Variants in NCAPG observed in about 807,000 individuals in gnomAD.
The protein encoded by NCAPG is condensin complex subunit 3.
Under a neutral mutation model 113.1 loss-of-function variants are expected in NCAPG, and 69 were observed. The ratio of observed to expected loss-of-function variants is 0.61; its 90% CI spans 0.50 to 0.75. The LOEUF (loss-of-function observed/expected upper bound fraction) is 0.75. Ranked by LOEUF, NCAPG falls within the 30% of genes least tolerant of loss-of-function variation. The pLI, the probability that NCAPG is intolerant of heterozygous loss-of-function variation, is 0.00. For missense variants in NCAPG, 1,058 were observed against 1,177.0 expected (o/e 0.90, Z 1.48); for synonymous variants, 370 against 415.8 (o/e 0.89, Z 1.34).
At chr4:17,829,651 AAT>A (rs1039339865) in intron 12 of NCAPG, among the ~76,000 whole-genome samples, 3 of 152,228 alleles carry the variant, frequency 2.0e-5, no homozygotes, top group African/African-American at 7.2e-5. Context: ...TTAGTAGAGG[AAT>A]ATAAAAGATG....
At chr4:17,827,590 G>C (rs963228641) in intron 11 of NCAPG, among the ~76,000 whole-genome samples, 1 of 152,098 alleles carries the variant, frequency 6.6e-6, no homozygotes, top group African/African-American at 2.4e-5. Flanking sequence ...TATGAAGATA[G>C]AGAACAAGGA....
intron 12 of NCAPG, among the ~76,000 whole-genome samples, chr4:17,828,603 A>G (rs1297724422): frequency 6.6e-6 from 1 of 152,178 alleles, no homozygotes; most frequent in African/African-American, 2.4e-5. Context: ...AGTCTTTTAC[A>G]TATTTTAAAA....
intron 13 of NCAPG, 126 bp downstream of exon 13, chr4:17,831,242 GAC>G (rs1721859892): frequency 3.8e-6 from 4 of 1,061,610 alleles, no homozygotes; most frequent in African/African-American, 1.6e-5. Context: ...AATCTTTGGA[GAC>G]ACAATACTTT....
At chr4:17,824,849 G>A (rs1721595143) in intron 9 of NCAPG, 119 bp from the exon 10 acceptor site, 1 of 584,692 alleles carries the variant, frequency 1.7e-6, no homozygotes. Context: ...ATTTCTACCA[G>A]TATGTTTTTG....
chr4:17,842,444 A>T, intron 20 of NCAPG, 65 bp downstream of exon 20: 4 of 1,332,490 alleles, frequency 3.0e-6, no homozygotes, highest in Non-Finnish European at 4.3e-6. Flanking sequence ...CAAGTAGAAA[A>T]AAACTAATTT....
At chr4:17,820,816 G>A (rs1721426631) in intron 7 of NCAPG, among the ~76,000 whole-genome samples, 1 of 152,164 alleles carries the variant, frequency 6.6e-6, no homozygotes, top group South Asian at 2.1e-4. Context: ...TAGATTCAAT[G>A]ACTAAGAACT....
Position 17,823,042 on chromosome 4 carries a change from G to A in NCAPG, c.1178G>A (p.Gly393Glu). Residue 393 changes from glycine to glutamate, a missense_variant, in exon 8 of 21, where the codon GGA becomes GAA. Transcript: ENST00000251496. ...EEHRGDFSYIGNLMTKEFIGQ... is the reference protein window; with the variant it reads ...EEHRGDFSYIENLMTKEFIGQ... ...CACAGAGGTGATTTTTCCTATATTG[G>A]AAATTTGATGACAAAAGAATTCATA... 6.2e-7 allele frequency: 1 copy of A among 1,608,636 alleles called. No individual in the cohort carries two copies. Among genetic ancestry groups the A allele is most frequent in the Non-Finnish European group, 8.5e-7 (1 of 1,177,738 alleles).
intron 3 of NCAPG, among the ~76,000 whole-genome samples, chr4:17,814,328 C>T (rs1721107832): frequency 6.6e-6 from 1 of 152,030 alleles, no homozygotes; most frequent in Non-Finnish European, 1.5e-5. Flanking sequence ...TGGTGGCCTG[C>T]GCAGCAGTGA....
At chr4:17,814,488 G>C (rs151028664) in intron 3 of NCAPG, among the ~76,000 whole-genome samples, 17 of 152,310 alleles carry the variant, frequency 1.1e-4, no homozygotes, top group African/African-American at 4.1e-4. Flanking sequence ...TTCTATTACA[G>C]ATGGGTTCTC....
intron 8 of NCAPG, 29 bp downstream of exon 8, chr4:17,823,152 A>G: frequency 1.3e-6 from 2 of 1,586,020 alleles, no homozygotes; most frequent in Non-Finnish European, 8.6e-7. Context: ...ACTCATTCTA[A>G]TTTGCCCTTC....
Position 17,820,996 on chromosome 4 carries a change from A to G in NCAPG, c.1119-1987A>G, listed in dbSNP as rs567121114. ...TACTTTCTTGAGTGGTCTCTTCATTATAATAAATGTCTTTATAAATGGTTA... is the reference window on the plus strand; with the variant it reads ...TACTTTCTTGAGTGGTCTCTTCATTGTAATAAATGTCTTTATAAATGGTTA... On this transcript the variant is annotated intron_variant, in intron 7 of 20. Coordinates refer to ENST00000251496, the MANE Select transcript of NCAPG (RefSeq NM_022346.5). Among the ~76,000 whole-genome samples, 19 of 152,354 alleles carry G rather than the reference A, an allele frequency of 1.2e-4. No individual in the cohort carries two copies. In the South Asian group the frequency reaches 3.9e-3, roughly 32 times the overall value.
rs1312565378 is a variant in NCAPG, at chr4:17,812,950, A to G, written c.349A>G (p.Arg117Gly). The change falls in exon 3 of 21, where the codon AGA becomes GGA. Residue 117 changes from arginine to glycine, a missense_variant. Transcript: ENST00000251496. ...HEANSNAVRF[R>G]VCLLINKLLG... is the part of the protein sequence containing the mutation. ...AGCAAACAGCAATGCAGTGAGATTT[A>G]GAGTGTGCCTGCTCATAAACAAGCT... The G allele has an allele frequency of 6.2e-7, 1 of 1,614,060 alleles. No homozygotes were observed. The highest frequency in any genetic ancestry group is 8.5e-7 in the Non-Finnish European group (1 of 1,179,930).
chr4:17,814,316 G>A (rs1016013628), intron 3 of NCAPG, among the ~76,000 whole-genome samples: 22 of 152,290 alleles, frequency 1.4e-4, no homozygotes, highest in African/African-American at 5.1e-4. Flanking sequence ...TAGAAGGGAA[G>A]TTGGTGGCCT....
chr4:17,843,645 A>AATCT lies in NCAPG; in HGVS notation c.*221_*224dup, dbSNP rs200438771. On this transcript the variant is annotated 3_prime_UTR_variant, in exon 21 of 21. Coordinates refer to ENST00000251496, the MANE Select transcript of NCAPG (RefSeq NM_022346.5). ...TCAGTCAGTCACACAGATTTATCAC[A>AATCT]ATCTGAGGTGGGCCTAGGAATCTCA... The AATCT allele has an allele frequency of 4.1e-4, 151 of 371,950 alleles. No homozygotes were observed. The highest frequency in any genetic ancestry group is 2.6e-3 in the African/African-American group (130 of 49,260). 23.0% of individuals were successfully genotyped at this position (371,950 alleles called of 1,614,324 possible).
At chr4:17,812,160 G>A in intron 1 of NCAPG, 61 bp from the exon 2 acceptor site, 1 of 1,231,504 alleles carries the variant, frequency 8.1e-7, no homozygotes, top group Non-Finnish European at 1.2e-6. Context: ...GTCTTAGGGT[G>A]ATGTTGGGAA....
rs151324468 is a variant in NCAPG, at chr4:17,834,458, G to A, written c.2044G>A (p.Glu682Lys). ...CAGTGATGATGAGCAAGAATCAAAA[G>A]AAGTTGAAGAGACTGCTACAGCTAA... Reference protein sequence around the residue: ...INSDDEQESKEVEETATAKNV... With the variant: ...INSDDEQESKKVEETATAKNV... Residue 682 changes from glutamate (E) to lysine (K), a missense_variant, in exon 14 of 21, where the codon GAA becomes AAA. By Grantham distance (56) the Glu-to-Lys change is moderately conservative. Transcript: ENST00000251496. 3.8e-4 allele frequency: 610 copies of A among 1,610,700 alleles called. 2 individuals carry two copies. The African/African-American group carries it at 7.5e-3, about 20-fold the overall frequency.
At chr4:17,821,839 C>A (rs73242112) in intron 7 of NCAPG, among the ~76,000 whole-genome samples, 1 of 152,048 alleles carries the variant, frequency 6.6e-6, no homozygotes, top group African/African-American at 2.4e-5. Context: ...AAAGGCACTT[C>A]GCTGTCTAAG....
chr4:17,832,227 T>G (rs1450672761), intron 13 of NCAPG, among the ~76,000 whole-genome samples: 1 of 152,144 alleles, frequency 6.6e-6, no homozygotes, highest in African/African-American at 2.4e-5. Context: ...TCCCTAGTAT[T>G]AAGTAGGGGT....
rs768221062 is a variant in NCAPG, at chr4:17,815,380, A to G, written c.775+22A>G. ...TCAGGTAAGATAAACAACTTTATATATACAAAACTTTAGTAGATTTTGAGG... is the reference window on the plus strand; with the variant it reads ...TCAGGTAAGATAAACAACTTTATATGTACAAAACTTTAGTAGATTTTGAGG... On this transcript the variant is annotated intron_variant, in intron 5 of 20. Coordinates refer to ENST00000251496, the MANE Select transcript of NCAPG (RefSeq NM_022346.5). 34 of 1,541,040 alleles carry G rather than the reference A, an allele frequency of 2.2e-5. No individual in the cohort carries two copies. In the South Asian group the frequency reaches 4.1e-4, roughly 19 times the overall value.
Sources: allele counts gnomAD v4.1 joint callset (sites outside exome capture counted in the v4.1 genomes callset), GRCh38; gene constraint gnomAD v4.1.1; transcripts MANE v1.5; gene names NCBI Gene and HGNC (gene_info 2026-07-23, HGNC 2026-07-21).